The following OTULIN variants were observed in gnomAD, a reference collection of about 807,000 sequenced individuals.
OTULIN encodes ubiquitin thioesterase otulin.
In OTULIN, 15 loss-of-function variants were observed where a neutral mutation model predicts 39.6. That is an observed-to-expected ratio of 0.38 (90% CI 0.25 to 0.58). OTULIN has a LOEUF of 0.58. Among genes scored for constraint, OTULIN ranks in the 20% least tolerant of loss-of-function variants. OTULIN has a pLI of 0.66. For synonymous variants in OTULIN, 156 were observed against 170.3 expected, an observed-to-expected ratio of 0.92 and a Z score of 0.65; for missense variants, 319 against 445.9, an observed-to-expected ratio of 0.72 and a Z score of 2.56.
At chr5:14,701,583 G>T (rs900843029), downstream of OTULIN, among the ~76,000 whole-genome samples, 2 of 152,178 alleles carry the variant, frequency 1.3e-5, no homozygotes, top group Non-Finnish European at 2.9e-5. Context: ...GTCGCTCTCT[G>T]CAAAGAAACC....
At chr5:14,671,653 CT>C (rs1735980311) in intron 1 of OTULIN, among the ~76,000 whole-genome samples, 2 of 152,154 alleles carry the variant, frequency 1.3e-5, no homozygotes, top group Admixed American at 1.3e-4. Context: ...TGACATCACA[CT>C]TTTTACTTGA....
intron 4 of OTULIN, among the ~76,000 whole-genome samples, chr5:14,686,628 CTT>C (rs1389032718): frequency 6.6e-6 from 1 of 151,732 alleles, no homozygotes; most frequent in African/African-American, 2.4e-5. Flanking sequence ...ACTTTTTTTC[CTT>C]TCTAAATTTT....
chr5:14,691,843 A>C (rs962520827), intron 6 of OTULIN, among the ~76,000 whole-genome samples: 2 of 152,192 alleles, frequency 1.3e-5, no homozygotes, highest in Admixed American at 1.3e-4. Context: ...ATCATATAAT[A>C]TGTGGTCTTT....
In OTULIN at chr5:14,699,008, T is replaced by G. The variant is rs908476823; in HGVS notation, c.*5960T>G. The stretch of plus-strand genomic sequence containing the variant: ...CACACACAGTCTGTCTCAGTGGTGG[T>G]GTGGATTAAGTGAGGTGCTAGCACT... On this transcript the variant is annotated 3_prime_UTR_variant, in exon 7 of 7. Transcript: ENST00000284274. The G allele has an allele frequency of 6.6e-6, 1 of 152,132 alleles. No individual in the cohort carries two copies. Among genetic ancestry groups the G allele is most frequent in the Non-Finnish European group, 1.5e-5 (1 of 68,034 alleles). The allele number at this position is 152,132 out of a possible 1,614,324, so 9.4% of individuals were successfully genotyped here. A position where few individuals can be genotyped will look rare whatever the true frequency, so the allele number is the denominator to read the frequency against.
At chr5:14,677,903 G>A (rs759681409) in intron 2 of OTULIN, among the ~76,000 whole-genome samples, 1 of 152,138 alleles carries the variant, frequency 6.6e-6, no homozygotes, top group African/African-American at 2.4e-5. Context: ...AGACTGTCGC[G>A]TCTGTAATTT....
rs770937742 is a variant in OTULIN at position 14,693,128 on chromosome 5, T to A, written c.*80T>A. 4.4e-6 allele frequency: 6 copies of A among 1,376,074 alleles called. No homozygotes were observed. The highest frequency in any genetic ancestry group is 4.9e-6 in the Non-Finnish European group (5 of 1,011,768). 85.2% of individuals were successfully genotyped at this position (1,376,074 alleles called of 1,614,324 possible). A position where few individuals can be genotyped will look rare whatever the true frequency, so the allele number is the denominator to read the frequency against. On this transcript the variant is annotated 3_prime_UTR_variant, in exon 7 of 7. Transcript: ENST00000284274. ...TGGGCTTGGGCTGCAGGTTTGGGGGTCTCTAAGAACAATCTCTGAGAAGAA... is the reference window on the plus strand; with the variant it reads ...TGGGCTTGGGCTGCAGGTTTGGGGGACTCTAAGAACAATCTCTGAGAAGAA...
chr5:14,711,532 G>C, the OTULIN span, among the ~76,000 whole-genome samples: 4 of 152,200 alleles, frequency 2.6e-5, no homozygotes, highest in Non-Finnish European at 5.9e-5. Context: ...GAGCTAGGCA[G>C]GCACTTCGGA....
At chr5:14,680,171 A>G (rs1736210632) in intron 3 of OTULIN, among the ~76,000 whole-genome samples, 1 of 152,228 alleles carries the variant, frequency 6.6e-6, no homozygotes, top group African/African-American at 2.4e-5. Context: ...ATTCTGGGGT[A>G]ATTGAGGTTT....
chr5:14,714,091 T>A, the OTULIN span, among the ~76,000 whole-genome samples: 1 of 152,262 alleles, frequency 6.6e-6, no homozygotes, highest in South Asian at 2.1e-4. Context: ...CCATCTTCCC[T>A]GCCTGCGGTC....
chr5:14,685,262 TTACCGGCATATGC>T (rs1736358356), intron 4 of OTULIN, among the ~76,000 whole-genome samples: 1 of 152,208 alleles, frequency 6.6e-6, no homozygotes, highest in South Asian at 2.1e-4. Flanking sequence ...GTATCAAGAA[TTACCGGCATATGC>T]TAGAGAAAAC....
rs1736743304 is a variant in OTULIN at position 14,699,021 on chromosome 5, A to C, written c.*5973A>C. ...TCTCAGTGGTGGTGTGGATTAAGTG[A>C]GGTGCTAGCACTTATTAGGGGAAGA... On this transcript the variant is annotated 3_prime_UTR_variant, in exon 7 of 7. Transcript: ENST00000284274. 1 of 152,146 alleles carries C rather than the reference A, an allele frequency of 6.6e-6. No homozygotes were observed. The highest frequency in any genetic ancestry group is 1.9e-4 in the East Asian group (1 of 5,176). The allele number at this position is 152,146 out of a possible 1,614,324, so 9.4% of individuals were successfully genotyped here. A position where few individuals can be genotyped will look rare whatever the true frequency, so the allele number is the denominator to read the frequency against.
At chr5:14,702,561 C>T (rs925751045), downstream of OTULIN, among the ~76,000 whole-genome samples, 2 of 152,048 alleles carry the variant, frequency 1.3e-5, no homozygotes, top group African/African-American at 4.8e-5. Flanking sequence ...AAAGAAGAAC[C>T]GGGCGAGGTT....
At chr5:14,691,209 G>C (rs1736517754) in intron 6 of OTULIN, among the ~76,000 whole-genome samples, 2 of 152,290 alleles carry the variant, frequency 1.3e-5, no homozygotes, top group Non-Finnish European at 2.9e-5. Flanking sequence ...TAGCATTAAG[G>C]CTGTTCATCA....
At chr5:14,675,175 G>C (rs1179501389) in intron 2 of OTULIN, among the ~76,000 whole-genome samples, 3 of 152,148 alleles carry the variant, frequency 2.0e-5, no homozygotes, top group Non-Finnish European at 4.4e-5. Context: ...TAACAAGTTA[G>C]TATGAGTTTA....
intron 1 of OTULIN, among the ~76,000 whole-genome samples, chr5:14,671,434 T>G (rs961184532): frequency 1.2e-4 from 18 of 152,366 alleles, no homozygotes; most frequent in African/African-American, 4.3e-4. Flanking sequence ...CCTCTGATAA[T>G]GATACTATGA....
At position 14,695,919 on chromosome 5, in the gene OTULIN, T is replaced by C. The variant is rs1736654688; in HGVS notation, c.*2871T>C. 1 of 152,186 alleles carries C rather than the reference T, an allele frequency of 6.6e-6. No individual in the cohort carries two copies. Among genetic ancestry groups the C allele is most frequent in the East Asian group, 1.9e-4 (1 of 5,200 alleles). The allele number at this position is 152,186 out of a possible 1,614,324, so 9.4% of individuals were successfully genotyped here. On this transcript the variant is annotated 3_prime_UTR_variant, in exon 7 of 7. Transcript: ENST00000284274. Reference sequence around the variant, plus strand: ...CTTTATTTAGCGATTTACACTTTTGTTACTCTATTATATATTCAGTTAGTG... The same window carrying C: ...CTTTATTTAGCGATTTACACTTTTGCTACTCTATTATATATTCAGTTAGTG...
intron 2 of OTULIN, among the ~76,000 whole-genome samples, chr5:14,676,305 G>A (rs914389502): frequency 1.3e-5 from 2 of 152,192 alleles, no homozygotes; most frequent in Non-Finnish European, 2.9e-5. Flanking sequence ...CAGCGTCTGT[G>A]TAGTTTGCAA....
At chr5:14,711,647 T>G in the OTULIN span, among the ~76,000 whole-genome samples, 5 of 152,136 alleles carry the variant, frequency 3.3e-5, no homozygotes, top group Non-Finnish European at 5.9e-5. Context: ...GTAGACTGCT[T>G]CTCCTTCCTC....
At chr5:14,678,629 G>A (rs1230863298) in intron 2 of OTULIN, 52 bp from the exon 3 acceptor site, 23 of 1,294,072 alleles carry the variant, frequency 1.8e-5, no homozygotes, top group East Asian at 2.6e-5. Context: ...GCAGTATTCT[G>A]ATTATGCTTT....
Sources: allele counts gnomAD v4.1 joint callset (sites outside exome capture counted in the v4.1 genomes callset), GRCh38; gene constraint gnomAD v4.1.1; transcripts MANE v1.5; gene names NCBI Gene and HGNC (gene_info 2026-07-23, HGNC 2026-07-21).